Variants in NTNG2 observed in about 807,000 individuals in gnomAD.
NTNG2 encodes netrin G2, also known as netrin-G2.
Under a neutral mutation model 47.6 loss-of-function variants are expected in NTNG2, and 15 were observed. That is an observed-to-expected ratio of 0.32 (90% CI 0.21 to 0.49). The LOEUF is 0.49. NTNG2 is among the 20% of genes least tolerant of loss of function. The pLI, the probability that NTNG2 is intolerant of heterozygous loss-of-function variation, is 0.99. For synonymous variants in NTNG2, 307 were observed against 324.6 expected, an observed-to-expected ratio of 0.95 and a Z score of 0.58; for missense variants, 578 against 764.6, an observed-to-expected ratio of 0.76 and a Z score of 2.88.
intron 2 of NTNG2, among the ~76,000 whole-genome samples, chr9:132,171,775 G>GC (rs1282103916): frequency 6.6e-6 from 1 of 152,186 alleles, no homozygotes; most frequent in Admixed American, 6.5e-5. Context: ...TCTGCCTCCT[G>GC]CCAGACCTTG....
chr9:132,201,884 G>A (rs779696071), intron 3 of NTNG2, among the ~76,000 whole-genome samples: 28 of 152,076 alleles, frequency 1.8e-4, no homozygotes, highest in South Asian at 6.2e-4. Flanking sequence ...AGCGCTCCCC[G>A]CGGGGGCAGC....
intron 2 of NTNG2, among the ~76,000 whole-genome samples, chr9:132,176,184 CAAA>C (rs35497672): frequency 6.9e-6 from 1 of 144,756 alleles, no homozygotes; most frequent in African/African-American, 2.5e-5. Context: ...CCCCATCTCT[CAAA>C]AAAAAAAAGT....
intron 2 of NTNG2, among the ~76,000 whole-genome samples, chr9:132,193,970 C>T (rs1007444426): frequency 3.3e-5 from 5 of 152,078 alleles, no homozygotes; most frequent in Non-Finnish European, 5.9e-5. Flanking sequence ...GGCAGCCAAA[C>T]TTCTTCTTCT....
chr9:132,238,213 T>C (rs1305899191), intron 5 of NTNG2, among the ~76,000 whole-genome samples: 1 of 152,174 alleles, frequency 6.6e-6, no homozygotes, highest in Non-Finnish European at 1.5e-5. Flanking sequence ...TTAGGGATGG[T>C]GACCTTCCTC....
chr9:132,214,618 G>C (rs927383100), intron 3 of NTNG2, among the ~76,000 whole-genome samples: 1 of 152,228 alleles, frequency 6.6e-6, no homozygotes, highest in African/African-American at 2.4e-5. Flanking sequence ...AGCAGGGCCA[G>C]CTTCCAGCAA....
intron 3 of NTNG2, among the ~76,000 whole-genome samples, chr9:132,204,056 G>A (rs1388167577): frequency 6.6e-6 from 1 of 152,242 alleles, no homozygotes; most frequent in African/African-American, 2.4e-5. Flanking sequence ...TAAGGGAACA[G>A]GAAAGGCAGG....
intron 7 of NTNG2, among the ~76,000 whole-genome samples, chr9:132,241,279 G>C (rs1417424215): frequency 6.6e-6 from 1 of 152,036 alleles, no homozygotes; most frequent in Non-Finnish European, 1.5e-5. Flanking sequence ...AGCGGGGCAG[G>C]GTTGGGATAG....
intron 2 of NTNG2, among the ~76,000 whole-genome samples, chr9:132,185,245 C>G (rs950730479): frequency 6.6e-6 from 1 of 152,184 alleles, no homozygotes; most frequent in African/African-American, 2.4e-5. Flanking sequence ...CACCCTGGGC[C>G]TCTGTTGGAA....
At chr9:132,192,555 C>T (rs1837977585) in intron 2 of NTNG2, among the ~76,000 whole-genome samples, 2 of 152,210 alleles carry the variant, frequency 1.3e-5, no homozygotes, top group Admixed American at 1.3e-4. Flanking sequence ...TGTGCCACTG[C>T]ATTCCAGCCT....
chr9:132,196,555 T>C (rs573100861), intron 2 of NTNG2, among the ~76,000 whole-genome samples: 1 of 152,350 alleles, frequency 6.6e-6, no homozygotes, highest in South Asian at 2.1e-4. Flanking sequence ...TTATACGGCA[T>C]AGCCTCACTG....
chr9:132,228,860 G>A (rs534169050), intron 4 of NTNG2, among the ~76,000 whole-genome samples: 1 of 152,152 alleles, frequency 6.6e-6, no homozygotes, highest in Non-Finnish European at 1.5e-5. Flanking sequence ...GTCTGGCCAT[G>A]TCTGGCTTTT....
At chr9:132,207,728 A>C (rs1334564405) in intron 3 of NTNG2, among the ~76,000 whole-genome samples, 1 of 152,142 alleles carries the variant, frequency 6.6e-6, no homozygotes, top group African/African-American at 2.4e-5. Flanking sequence ...AAGAGCATGG[A>C]GGGGCTGACG....
chr9:132,197,391 T>TA lies in NTNG2; in HGVS notation c.214-568dup, dbSNP rs1316000514. ...GAAACATAGCAAGACTCCATCTCAATAAAAAAATAAAATTAAAATTAAAAA... is the reference window on the plus strand; with the variant it reads ...GAAACATAGCAAGACTCCATCTCAATAAAAAAAATAAAATTAAAATTAAAAA... On this transcript the variant is annotated intron_variant, in intron 2 of 7. Transcript: ENST00000393229. This position sits in a 1 kb window ranked among gnomAD's most constrained non-coding sequence, Gnocchi z 4.3. 2.0e-5 allele frequency among the ~76,000 whole-genome samples: 3 copies of TA among 151,726 alleles called. No homozygotes were observed. The highest frequency in any genetic ancestry group is 2.0e-4 in the Admixed American group (3 of 15,220).
At chr9:132,240,580 T>G in intron 6 of NTNG2, 15 of 435,380 alleles carry the variant, frequency 3.4e-5, no homozygotes, top group East Asian at 4.8e-5. Context: ...CCTGTCGGAG[T>G]CATAGCTCTT....
intron 2 of NTNG2, among the ~76,000 whole-genome samples, chr9:132,196,519 A>G (rs748220412): frequency 6.6e-6 from 1 of 152,126 alleles, no homozygotes; most frequent in Non-Finnish European, 1.5e-5. Context: ...ACTCATTCAT[A>G]ATGGCATGCA....
At chr9:132,223,075 C>T (rs187540729) in intron 3 of NTNG2, among the ~76,000 whole-genome samples, 233 of 152,292 alleles carry the variant, frequency 1.5e-3, no homozygotes, top group African/African-American at 5.1e-3. Context: ...GATTGTGCCA[C>T]GGCACTCCAG....
intron 3 of NTNG2, among the ~76,000 whole-genome samples, chr9:132,214,706 GC>G (rs1248011052): frequency 6.6e-6 from 1 of 152,166 alleles, no homozygotes; most frequent in African/African-American, 2.4e-5. Context: ...ACACGGGTGA[GC>G]CGGGTAGCAG....
rs1256865783 is a variant in NTNG2 at position 132,218,009 on chromosome 9, G to T, written c.858-8840G>T. 2.6e-5 allele frequency among the ~76,000 whole-genome samples: 4 copies of T among 152,192 alleles called. No individual in the cohort carries two copies. Among genetic ancestry groups the T allele is most frequent in the African/African-American group, 9.7e-5 (4 of 41,446 alleles). ...ATCGCTCCTCAGGGCCAGTGTCACT[G>T]GTGTGCGTGGCAGCCTGTGGCATAC... is the stretch of plus-strand genomic sequence containing the variant. On this transcript the variant is annotated intron_variant, in intron 3 of 7. Transcript: ENST00000393229. This position sits in a 1 kb window ranked among gnomAD's most constrained non-coding sequence, Gnocchi z 5.4.
chr9:132,240,474 G>T (rs142318147), intron 6 of NTNG2: 197 of 249,410 alleles, frequency 7.9e-4, no homozygotes, highest in Non-Finnish European at 1.3e-3. Context: ...GGAATAGGCT[G>T]TTCCTCCACT....
Sources: gnomAD v4.1 joint callset for allele counts (sites outside exome capture counted in the v4.1 genomes callset) on GRCh38, gnomAD v4.1.1 for gene constraint, Gnocchi (gnomAD v3.1) non-coding constraint, MANE v1.5 for transcripts, NCBI Gene and HGNC (gene_info 2026-07-23, HGNC 2026-07-21) for gene names.